CCDC74A: variants seen among roughly 807,000 people sequenced by gnomAD.
The protein encoded by CCDC74A is coiled-coil domain-containing protein 74A.
A neutral mutation model predicts 37.6 loss-of-function variants in CCDC74A; 38 were observed. The observed-to-expected ratio is 1.01, with a 90% CI of 0.78 to 1.33. The LOEUF is 1.33. Among genes scored for constraint, CCDC74A ranks in the 40% most tolerant of loss-of-function variants. CCDC74A has a pLI of 0.00. For synonymous variants in CCDC74A, 134 were observed against 165.2 expected (o/e 0.81, Z 1.45); for missense variants, 340 against 403.4 (o/e 0.84, Z 1.35).
rs767296333 is a variant in CCDC74A, at chr2:131,528,005, C to T, written c.35C>T (p.Pro12Leu). Residue 12 changes from proline (P) to leucine (L), a missense_variant, in exon 1 of 8, where the codon CCC (proline) becomes CTC (leucine). Coordinates refer to ENST00000409856, the MANE Select transcript of CCDC74A (RefSeq NM_001258306.3). ...SGAGVAAGTR[P>L]PSSPTPGSRR... ...GCGGGGGTGGCGGCTGGGACGCGGC[C>T]CCCCAGCTCGCCGACCCCGGGCTCT... 47 of 1,465,716 alleles carry T rather than the reference C, an allele frequency of 3.2e-5. No homozygotes were observed. The South Asian group carries it at 6.3e-4, about 20-fold the overall frequency. The allele number at this position is 1,465,716 out of a possible 1,614,324, so 90.8% of individuals were successfully genotyped here. A position where few individuals can be genotyped will look rare whatever the true frequency, so the allele number is the denominator to read the frequency against.
chr2:131,524,886 C>CAAAA (rs57589680), upstream of CCDC74A, among the ~76,000 whole-genome samples: 18 of 98,248 alleles, frequency 1.8e-4, no homozygotes, highest in South Asian at 4.0e-3. Flanking sequence ...CATAGTAAGA[C>CAAAA]AAAAAAAAAA....
At position 131,533,245 on chromosome 2, in the gene CCDC74A, T is replaced by C. The variant is rs185585712; in HGVS notation, c.810-24T>C. 9.9e-4 allele frequency: 1,593 copies of C among 1,611,830 alleles called. 14 individuals are homozygous for C. In the African/African-American group the frequency reaches 0.019, roughly 19 times the overall value. On this transcript the variant is annotated intron_variant, in intron 7 of 7. Transcript: ENST00000409856. ...ACTCCACTCCCGGGGATGCTCACGG[T>C]GACAGTCCCTCTACCCGCCCCAGCC...
intron 1 of CCDC74A, chr2:131,529,341 C>T (rs1680786906): frequency 8.7e-6 from 5 of 572,490 alleles, no homozygotes; most frequent in Admixed American, 6.1e-5. Flanking sequence ...CCAGGGGTTC[C>T]GGAGTTCACC....
chr2:131,533,054 G>C lies in CCDC74A; in HGVS notation c.794G>C (p.Ser265Thr). ...ATHFPKVSTKSLSKKCLSPPV... is the reference protein window; with the variant it reads ...ATHFPKVSTKTLSKKCLSPPV... Reference sequence around the variant, plus strand: ...CATTTCCCCAAGGTCTCCACCAAGAGCCTCTCCAAGAAATGGTAAGTCCCA... The same window carrying C: ...CATTTCCCCAAGGTCTCCACCAAGACCCTCTCCAAGAAATGGTAAGTCCCA... Residue 265 changes from serine (S) to threonine (T), a missense_variant, in exon 7 of 8, where the codon AGC (serine) becomes ACC (threonine). Transcript: ENST00000409856. 1.9e-6 allele frequency: 3 copies of C among 1,613,890 alleles called. No individual in the cohort carries two copies. The highest frequency in any genetic ancestry group is 2.5e-6 in the Non-Finnish European group (3 of 1,179,862).
intron 2 of CCDC74A, 31 bp downstream of exon 2, chr2:131,529,722 G>A (rs1320847046): frequency 3.1e-6 from 5 of 1,611,390 alleles, no homozygotes; most frequent in Non-Finnish European, 4.2e-6. Flanking sequence ...TGACTGATGG[G>A]ATGCTCTTGC....
chr2:131,529,619 G>A, intron 1 of CCDC74A, 28 bp from the exon 2 acceptor site: 1 of 1,613,998 alleles, frequency 6.2e-7, no homozygotes, highest in Non-Finnish European at 8.5e-7. Context: ...TTTCACAAGT[G>A]CTGAGGAGAG....
chr2:131,527,843 C>G, upstream of CCDC74A: 1 of 1,354,212 alleles, frequency 7.4e-7, no homozygotes. Context: ...CAGCGACAGG[C>G]CCCGCCCCCG....
At chr2:131,530,525 T>G (rs531310593) in intron 2 of CCDC74A, 1 of 1,575,506 alleles carries the variant, frequency 6.3e-7, no homozygotes, top group South Asian at 1.1e-5. Context: ...GAAGAGGCCA[T>G]GCTTTCCCTC....
Position 131,533,016 on chromosome 2 carries a change from C to G in CCDC74A, c.756C>G (p.Asp252Glu). The change falls in exon 7 of 8, where the codon GAC becomes GAG. Residue 252 changes from aspartate (D) to glutamate (E), a missense_variant. Physicochemically the swap from Asp to Glu is conservative, Grantham distance 45. Transcript: ENST00000409856. ...AAPEEASFPRDQEATHFPKVS... is the reference protein window; with the variant it reads ...AAPEEASFPREQEATHFPKVS... Reference sequence around the variant, plus strand: ...TGCTGACTCTTCCTTCACCCAGGGACCAAGAAGCCACGCATTTCCCCAAGG... The same window carrying G: ...TGCTGACTCTTCCTTCACCCAGGGAGCAAGAAGCCACGCATTTCCCCAAGG... 6.2e-7 allele frequency: 1 copy of G among 1,613,956 alleles called. No homozygotes were observed. The highest frequency in any genetic ancestry group is 8.5e-7 in the Non-Finnish European group (1 of 1,179,862).
upstream of CCDC74A, among the ~76,000 whole-genome samples, chr2:131,526,126 ATTTTC>A (rs1010688916): frequency 3.1e-5 from 4 of 131,128 alleles, no homozygotes; most frequent in Non-Finnish European, 4.8e-5. Context: ...AACTTCTCGC[ATTTTC>A]TTTTCTTTTT....
chr2:131,529,443 G>A (rs765761438), intron 1 of CCDC74A: 3 of 731,694 alleles, frequency 4.1e-6, no homozygotes, highest in East Asian at 5.4e-5. Flanking sequence ...GGTGGGCTCT[G>A]CCTAGGGAAC....
intron 1 of CCDC74A, 110 bp from the exon 2 acceptor site, chr2:131,529,536 TG>T (rs560072033): frequency 6.3e-6 from 9 of 1,433,544 alleles, no homozygotes; most frequent in Admixed American, 1.7e-5. Context: ...AATCAGCCAG[TG>T]GGGGGGCAGG....
intron 3 of CCDC74A, 102 bp downstream of exon 3, chr2:131,530,929 C>T (rs1267201535): frequency 9.6e-6 from 14 of 1,457,302 alleles, no homozygotes; most frequent in South Asian, 1.3e-5. Context: ...TCTGCTGGGC[C>T]AAGCTCCAGG....
chr2:131,529,529 C>G, intron 1 of CCDC74A, 118 bp from the exon 2 acceptor site: 1 of 1,367,262 alleles, frequency 7.3e-7, no homozygotes, highest in Non-Finnish European at 1.0e-6. Context: ...AGGGCCCAAT[C>G]AGCCAGTGGG....
At chr2:131,529,004 C>G (rs1338163227) in intron 1 of CCDC74A, among the ~76,000 whole-genome samples, 1 of 147,908 alleles carries the variant, frequency 6.8e-6, no homozygotes, top group Admixed American at 6.7e-5. Flanking sequence ...CTGCTCCTCA[C>G]CCCCACGCCC....
upstream of CCDC74A, chr2:131,527,712 C>T: frequency 2.0e-6 from 1 of 501,456 alleles, no homozygotes; most frequent in Non-Finnish European, 3.3e-6. Flanking sequence ...TCAGGCTGGT[C>T]ACGAACTCCT....
chr2:131,533,183 GCCC>G, intron 7 of CCDC74A, 83 bp from the exon 8 acceptor site: 1 of 1,606,808 alleles, frequency 6.2e-7, no homozygotes, highest in Non-Finnish European at 8.5e-7. Flanking sequence ...GCCTCTCTGT[GCCC>G]CCGTGAGGGC....
rs966988357 is a variant in CCDC74A, at chr2:131,529,304, C to G, written c.251-343C>G. The stretch of plus-strand genomic sequence containing the variant: ...TTGAGCCTCCCCCGCAGTCCCTGAT[C>G]CCCACGGGATCATGACACTGCCATA... On this transcript the variant is annotated intron_variant, in intron 1 of 7. Coordinates refer to ENST00000409856, the MANE Select transcript of CCDC74A (RefSeq NM_001258306.3). 151 of 508,542 alleles carry G rather than the reference C, an allele frequency of 3.0e-4. 1 individual carries two copies. In the East Asian group the frequency reaches 4.8e-3, roughly 16 times the overall value. The allele number at this position is 508,542 out of a possible 1,614,324, so 31.5% of individuals were successfully genotyped here.
chr2:131,525,711 CTTTTTT>C (rs58721770), upstream of CCDC74A, among the ~76,000 whole-genome samples: 22 of 63,452 alleles, frequency 3.5e-4, no homozygotes, highest in African/African-American at 3.8e-4. Context: ...CTATGCCTGC[CTTTTTT>C]TTTTTTTTTT....
Sources: allele counts gnomAD v4.1 joint callset (sites outside exome capture counted in the v4.1 genomes callset), GRCh38; gene constraint gnomAD v4.1.1; transcripts MANE v1.5; gene names NCBI Gene and HGNC (gene_info 2026-07-23, HGNC 2026-07-21).